Variants in PCDHA11 observed in about 807,000 individuals in gnomAD.
PCDHA11 encodes the protein protocadherin alpha-11.
PCDHA11 carries 61 observed loss-of-function variants against 70.3 expected under a neutral mutation model. The ratio of observed to expected loss-of-function variants is 0.87; its 90% CI spans 0.71 to 1.07. The LOEUF is 1.07. PCDHA11 is among the 50% of genes least tolerant of loss of function. The pLI, the probability that PCDHA11 is intolerant of heterozygous loss-of-function variation, is 0.00. For synonymous variants in PCDHA11, 633 were observed against 555.1 expected, an observed-to-expected ratio of 1.14 and a Z score of -1.97; for missense variants, 1,324 against 1,237.5, an observed-to-expected ratio of 1.07 and a Z score of -1.05.
At chr5:140,923,577 G>C (rs1456273088) in intron 1 of PCDHA11, among the ~76,000 whole-genome samples, 3 of 152,196 alleles carry the variant, frequency 2.0e-5, no homozygotes, top group Non-Finnish European at 4.4e-5. Context: ...CTGCTAAAGA[G>C]AAGGTTTGTT....
At chr5:140,873,417 AATT>A (rs1443232738) in intron 1 of PCDHA11, among the ~76,000 whole-genome samples, 1 of 152,164 alleles carries the variant, frequency 6.6e-6, no homozygotes. Flanking sequence ...AAATTTTGTA[AATT>A]ATTATTTTAT....
At chr5:140,882,768 C>T (rs1554175511) in intron 1 of PCDHA11, 1 of 1,614,222 alleles carries the variant, frequency 6.2e-7, no homozygotes, top group East Asian at 2.2e-5. Context: ...GTAAACTCGG[C>T]ATTGACCTAC....
chr5:140,883,481 T>C (rs1401240290), intron 1 of PCDHA11: 1 of 1,614,166 alleles, frequency 6.2e-7, no homozygotes, highest in East Asian at 2.2e-5. Flanking sequence ...CAAGAACTAC[T>C]ACTCATTAGT....
intron 1 of PCDHA11, among the ~76,000 whole-genome samples, chr5:140,935,536 G>C (rs2090424655): frequency 6.6e-6 from 1 of 152,104 alleles, no homozygotes; most frequent in Non-Finnish European, 1.5e-5. Context: ...TCAAATTATT[G>C]TGTTTTAAAG....
rs57893927 is a variant in PCDHA11 at position 140,946,631 on chromosome 5, T to TATATATATATATATATATATATATATAC, written c.2392-32317_2392-32316insTATATATATATATATATATATATATACA. On this transcript the variant is annotated intron_variant, in intron 1 of 3. Transcript: ENST00000398640. ...TGTGAAATATATATATATATATATA[T>TATATATATATATATATATATATATATAC]ACAATGGAATACTCATCAGCCATTA... Among the ~76,000 whole-genome samples the TATATATATATATATATATATATATATAC allele has an allele frequency of 2.1e-3, 277 of 131,730 alleles. 14 individuals carry two copies. Among genetic ancestry groups the TATATATATATATATATATATATATATAC allele is most frequent in the African/African-American group, 7.7e-3 (221 of 28,616 alleles). The allele number at this position is 131,730 out of a possible 152,430, so 86.4% of individuals were successfully genotyped here.
intron 1 of PCDHA11, chr5:140,927,699 G>A (rs155361): frequency 0.52 from 840,731 of 1,613,754 alleles, 221,277 homozygotes; most frequent in African/African-American, 0.71. Context: ...GGGAAGTCCA[G>A]TACTCCCTAA....
chr5:140,897,762 A>C (rs572488219), intron 1 of PCDHA11, among the ~76,000 whole-genome samples: 15 of 152,204 alleles, frequency 9.9e-5, no homozygotes, highest in African/African-American at 2.7e-4. Context: ...AGGAATCGCC[A>C]CACTGACTTC....
intron 3 of PCDHA11, among the ~76,000 whole-genome samples, chr5:141,007,687 C>T (rs1434828672): frequency 1.3e-5 from 2 of 152,200 alleles, no homozygotes; most frequent in Non-Finnish European, 2.9e-5. Flanking sequence ...TATCCTACTT[C>T]CACCTCCCTC....
chr5:140,971,210 C>G (rs192930872), intron 1 of PCDHA11, among the ~76,000 whole-genome samples: 383 of 152,274 alleles, frequency 2.5e-3, no homozygotes, highest in Non-Finnish European at 3.7e-3. Context: ...CACTGTTACC[C>G]TCCCTCTCCT....
intron 1 of PCDHA11, among the ~76,000 whole-genome samples, chr5:140,963,059 A>G (rs1307714661): frequency 6.6e-6 from 1 of 152,162 alleles, no homozygotes; most frequent in Non-Finnish European, 1.5e-5. Context: ...GGGTTTCTAC[A>G]TTGTGAAGGA....
intron 1 of PCDHA11, chr5:140,875,283 CAG>C: frequency 7.3e-7 from 1 of 1,362,464 alleles, no homozygotes; most frequent in Non-Finnish European, 9.6e-7. Flanking sequence ...GAAGGTGAAA[CAG>C]GAAAATTTTT....
chr5:140,929,233 C>T (rs782744711), intron 1 of PCDHA11: 5 of 1,613,786 alleles, frequency 3.1e-6, no homozygotes, highest in Non-Finnish European at 8.5e-7. Flanking sequence ...TGCCGACCTG[C>T]GAAATCTTGC....
chr5:140,922,722 T>C (rs2153565730), intron 1 of PCDHA11, among the ~76,000 whole-genome samples: 1 of 151,972 alleles, frequency 6.6e-6, no homozygotes, highest in Non-Finnish European at 1.5e-5. Context: ...AAAGAAACAC[T>C]TGACAAGGTT....
chr5:140,956,562 T>C (rs1395246956), intron 1 of PCDHA11, among the ~76,000 whole-genome samples: 1 of 152,212 alleles, frequency 6.6e-6, no homozygotes, highest in Non-Finnish European at 1.5e-5. Flanking sequence ...CAGTATCTTA[T>C]TGAGGATTTT....
rs782071598 is a variant in PCDHA11 at position 140,883,785 on chromosome 5, G to C, written c.2391+12291G>C. On this transcript the variant is annotated intron_variant, in intron 1 of 3. Coordinates refer to ENST00000398640, the MANE Select transcript of PCDHA11 (RefSeq NM_018902.5). ...CGGGTGGGCGAGCGTGCGCTGTCGA[G>C]CTACGTGTCGGTGCACGCGGAGAGC... The C allele has an allele frequency of 1.3e-5, 21 of 1,612,402 alleles. No individual in the cohort carries two copies. In the East Asian group the frequency reaches 4.0e-4, roughly 31 times the overall value.
intron 1 of PCDHA11, among the ~76,000 whole-genome samples, chr5:140,945,918 C>T (rs782600130): frequency 1.2e-4 from 18 of 152,106 alleles, no homozygotes; most frequent in Admixed American, 2.6e-4. Context: ...ATCAATAACA[C>T]TGATCTGAGC....
In PCDHA11 at chr5:140,870,873, G is replaced by A. The variant is rs782065354; in HGVS notation, c.1770G>A (p.Val590=). 5 of 1,613,840 alleles carry A rather than the reference G, an allele frequency of 3.1e-6. No individual in the cohort carries two copies. The Admixed American group carries it at 5.0e-5, about 16-fold the overall frequency. The change falls in exon 1 of 4, where the codon GTG becomes GTA. Residue 590 remains valine, a synonymous_variant. Transcript: ENST00000398640. The part of the protein sequence containing the change: ...VPRSVGAGHV[V]AKVRAVDADS... ...GGTCGGTGGGTGCGGGCCACGTGGTGGCGAAGGTGCGCGCAGTGGATGCGG... is the reference window on the plus strand; with the variant it reads ...GGTCGGTGGGTGCGGGCCACGTGGTAGCGAAGGTGCGCGCAGTGGATGCGG...
chr5:140,930,798 G>T (rs1339622831), intron 1 of PCDHA11, among the ~76,000 whole-genome samples: 1 of 152,094 alleles, frequency 6.6e-6, no homozygotes, highest in Non-Finnish European at 1.5e-5. Flanking sequence ...ATAGAATCCA[G>T]CATATAAGAT....
At chr5:140,900,494 C>G (rs2068089293) in intron 1 of PCDHA11, among the ~76,000 whole-genome samples, 1 of 152,202 alleles carries the variant, frequency 6.6e-6, no homozygotes, top group Admixed American at 6.5e-5. Context: ...TCAGACTGGT[C>G]TCAAATTCCC....
Sources: gnomAD v4.1 joint callset for allele counts (sites outside exome capture counted in the v4.1 genomes callset) on GRCh38, gnomAD v4.1.1 for gene constraint, MANE v1.5 for transcripts, NCBI Gene and HGNC (gene_info 2026-07-23, HGNC 2026-07-21) for gene names.